The following NEBL variants were observed in gnomAD, a reference collection of about 807,000 sequenced individuals.
The protein encoded by NEBL is nebulette, also known as LIM and SH3 protein 2.
Under a neutral mutation model 140.2 loss-of-function variants are expected in NEBL, and 122 were observed. The observed-to-expected ratio is 0.87, with a 90% CI of 0.75 to 1.01. NEBL has a LOEUF of 1.01. NEBL is among the 50% of genes least tolerant of loss of function. The pLI is 0.00. For missense variants in NEBL, 1,365 were observed against 1,231.3 expected (o/e 1.11, Z -1.62); for synonymous variants, 436 against 398.9 (o/e 1.09, Z -1.11).
chr10:20,819,414 A>G lies in NEBL; in HGVS notation c.2055+10T>C. 6.2e-7 allele frequency: 1 copy of G among 1,612,634 alleles called. No individual in the cohort carries two copies. The highest frequency in any genetic ancestry group is 1.1e-5 in the South Asian group (1 of 91,052). On this transcript the variant is annotated intron_variant, in intron 20 of 27. Coordinates refer to ENST00000377122, the MANE Select transcript of NEBL (RefSeq NM_006393.3). ...TTGAGAAAATATAAAAGGAAACAGA[A>G]ACGACTTGCCGCACTCAGCTGCTCC...
chr10:20,911,489 C>G (rs549964303), intron 4 of NEBL, among the ~76,000 whole-genome samples: 1 of 152,232 alleles, frequency 6.6e-6, no homozygotes, highest in African/African-American at 2.4e-5. Flanking sequence ...GCCTGAATGG[C>G]CAATAAAGTA....
At chr10:21,144,764 G>A (rs2132109389) in intron 2 of NEBL, among the ~76,000 whole-genome samples, 1 of 152,120 alleles carries the variant, frequency 6.6e-6, no homozygotes, top group South Asian at 2.1e-4. Context: ...ATTGGAATAG[G>A]AAGAGCCAGG....
chr10:20,976,863 C>T (rs1260296874), intron 3 of NEBL, among the ~76,000 whole-genome samples: 1 of 151,382 alleles, frequency 6.6e-6, no homozygotes, highest in Non-Finnish European at 1.5e-5. Context: ...AAGGCCAAAC[C>T]TCAGCATCAC....
intron 2 of NEBL, among the ~76,000 whole-genome samples, chr10:21,026,007 A>G (rs369447291): frequency 1.1e-4 from 17 of 152,280 alleles, no homozygotes; most frequent in East Asian, 9.6e-4. Context: ...GTGTCTCACG[A>G]CCTTCATCTA....
intron 21 of NEBL, among the ~76,000 whole-genome samples, chr10:20,817,079 C>A (rs895437540): frequency 6.6e-6 from 1 of 152,100 alleles, no homozygotes; most frequent in Non-Finnish European, 1.5e-5. Flanking sequence ...GGATACACAA[C>A]AACCTGTCAA....
intron 1 of NEBL, among the ~76,000 whole-genome samples, chr10:21,266,121 TTTC>T (rs1415604445): frequency 1.3e-5 from 2 of 152,116 alleles, no homozygotes; most frequent in Non-Finnish European, 2.9e-5. Flanking sequence ...TGATTTTTTT[TTTC>T]TTTTTTGCTA....
chr10:21,015,772 C>T (rs1366371629), intron 3 of NEBL, among the ~76,000 whole-genome samples: 1 of 152,160 alleles, frequency 6.6e-6, no homozygotes, highest in African/African-American at 2.4e-5. Context: ...CTCAGCCTCC[C>T]GAAGTGCTGG....
At chr10:21,273,631 C>T (rs1332207857) in intron 1 of NEBL, among the ~76,000 whole-genome samples, 4 of 152,156 alleles carry the variant, frequency 2.6e-5, no homozygotes, top group Admixed American at 2.6e-4. Context: ...TGAGGATTCT[C>T]CAGGGAAACA....
chr10:20,790,463 G>A (rs182010859), intron 26 of NEBL, among the ~76,000 whole-genome samples: 39 of 151,674 alleles, frequency 2.6e-4, no homozygotes, highest in South Asian at 8.4e-4. Flanking sequence ...TTAGCTGGGC[G>A]TGGGGTGTGT....
At position 20,868,310 on chromosome 10, in the gene NEBL, C is replaced by CTGTGTG. The variant is rs3085048; in HGVS notation, c.684+348_684+353dup. Reference sequence around the variant, plus strand: ...AATATTTTTATTACTAAGTTAAAAACTGTGTGTGTGTGTGTGTGTGTGTGT... The same window carrying CTGTGTG: ...AATATTTTTATTACTAAGTTAAAAACTGTGTGTGTGTGTGTGTGTGTGTGTGTGTGT... On this transcript the variant is annotated intron_variant, in intron 7 of 27. Transcript: ENST00000377122. 3.3e-3 allele frequency: 516 copies of CTGTGTG among 155,902 alleles called. 7 individuals carry two copies. In the East Asian group the frequency reaches 0.033, roughly 10 times the overall value. The allele number at this position is 155,902 out of a possible 1,614,324, so 9.7% of individuals were successfully genotyped here. A position where few individuals can be genotyped will look rare whatever the true frequency, so the allele number is the denominator to read the frequency against.
chr10:20,862,182 C>G (rs957396531), intron 7 of NEBL, among the ~76,000 whole-genome samples: 4 of 152,104 alleles, frequency 2.6e-5, no homozygotes, highest in African/African-American at 9.7e-5. Flanking sequence ...AGTCAGGGAC[C>G]ATCTATGCAT....
At chr10:20,859,389 C>T (rs1210496961) in intron 8 of NEBL, among the ~76,000 whole-genome samples, 1 of 151,984 alleles carries the variant, frequency 6.6e-6, no homozygotes, top group Non-Finnish European at 1.5e-5. Flanking sequence ...GCCATAATTA[C>T]ATGAGGTAAC....
rs746698850 is a variant in NEBL at position 21,173,768 on chromosome 10, A to T, written c.66T>A (p.Asp22Glu). ...GGCCCGGCGCCCCCTCGCTCACCTT[A>T]TCCAGGCAGTTGACTTTCTCGGTGG... The change falls in exon 1 of 7, where the codon GAT becomes GAA. Residue 22 changes from aspartate to glutamate, a missense_variant. Coordinates refer to the NEBL transcript ENST00000417816. The surrounding 1 kb of genome is among the most constrained non-coding windows in gnomAD (Gnocchi z 5.7). The T allele has an allele frequency of 6.2e-7, 1 of 1,612,302 alleles. No homozygotes were observed. The highest frequency in any genetic ancestry group is 1.1e-5 in the South Asian group (1 of 91,048).
chr10:21,198,498 A>G (rs1184996444), intron 3 of NEBL, among the ~76,000 whole-genome samples: 1 of 152,198 alleles, frequency 6.6e-6, no homozygotes, highest in Non-Finnish European at 1.5e-5. Context: ...AAAAAGGAGG[A>G]TGCTAGCAAA....
intron 21 of NEBL, among the ~76,000 whole-genome samples, chr10:20,816,839 A>G (rs1281336117): frequency 6.6e-6 from 1 of 152,196 alleles, no homozygotes; most frequent in African/African-American, 2.4e-5. Context: ...CCTGTCCAAT[A>G]TAACCTATTC....
chr10:21,167,994 G>A (rs558577952), intron 2 of NEBL, among the ~76,000 whole-genome samples: 3 of 152,096 alleles, frequency 2.0e-5, no homozygotes, highest in African/African-American at 7.2e-5. Context: ...GCACTGCTGC[G>A]TTAGGAGCAA....
At chr10:21,080,112 G>C (rs933923699) in intron 2 of NEBL, among the ~76,000 whole-genome samples, 4 of 152,200 alleles carry the variant, frequency 2.6e-5, no homozygotes, top group African/African-American at 7.2e-5. Context: ...AGACGGTTCT[G>C]GTGGCTGTGA....
At chr10:21,225,883 G>A (rs1488172878) in intron 3 of NEBL, among the ~76,000 whole-genome samples, 1 of 152,088 alleles carries the variant, frequency 6.6e-6, no homozygotes. Context: ...GCCCCACTGT[G>A]GTCAGCTGGT....
chr10:21,286,242 C>T (rs1843053620), intron 1 of NEBL, among the ~76,000 whole-genome samples: 1 of 152,180 alleles, frequency 6.6e-6, no homozygotes, highest in South Asian at 2.1e-4. Flanking sequence ...TGGTTTTCAT[C>T]ACTGGAGACA....
Sources: gnomAD v4.1 joint callset for allele counts (sites outside exome capture counted in the v4.1 genomes callset) on GRCh38, gnomAD v4.1.1 for gene constraint, Gnocchi (gnomAD v3.1) non-coding constraint, MANE v1.5 for transcripts, NCBI Gene and HGNC (gene_info 2026-07-23, HGNC 2026-07-21) for gene names.